CNTN5: variants seen among roughly 807,000 people sequenced by gnomAD.
CNTN5 encodes the protein contactin-5.
CNTN5 carries 77 observed loss-of-function variants against 129.1 expected under a neutral mutation model. That is an observed-to-expected ratio of 0.60 (90% CI 0.50 to 0.72). The LOEUF (loss-of-function observed/expected upper bound fraction) is 0.72, where lower values mean the gene tolerates loss of function less well. Ranked by LOEUF, CNTN5 falls within the 30% of genes least tolerant of loss-of-function variation. The probability of loss-of-function intolerance (pLI) is 0.00; values close to 1 mark genes in which losing one functional copy is unlikely to be tolerated. For synonymous variants in CNTN5, 509 were observed against 465.6 expected, an observed-to-expected ratio of 1.09 and a Z score of -1.20; for missense variants, 1,478 against 1,328.8, an observed-to-expected ratio of 1.11 and a Z score of -1.75.
chr11:100,015,738 T>C (rs1451266309), intron 9 of CNTN5, among the ~76,000 whole-genome samples: 1 of 152,128 alleles, frequency 6.6e-6, no homozygotes, highest in Non-Finnish European at 1.5e-5. Flanking sequence ...TGATAAAATT[T>C]TTTAGTATTA....
At chr11:99,821,725 T>G (rs1314175582) in intron 4 of CNTN5, among the ~76,000 whole-genome samples, 1 of 151,988 alleles carries the variant, frequency 6.6e-6, no homozygotes, top group Non-Finnish European at 1.5e-5. Context: ...AAACCCTCAT[T>G]AAAATAAGAC....
intron 1 of CNTN5, among the ~76,000 whole-genome samples, chr11:99,236,001 G>A (rs1861240255): frequency 6.6e-6 from 1 of 152,148 alleles, no homozygotes; most frequent in South Asian, 2.1e-4. Context: ...AAACTACTGA[G>A]AGTTAAAATG....
chr11:99,296,457 A>T (rs112503003), intron 1 of CNTN5, among the ~76,000 whole-genome samples: 1 of 152,174 alleles, frequency 6.6e-6, no homozygotes, highest in Non-Finnish European at 1.5e-5. Context: ...AATACACTGT[A>T]GCATAATAAT....
At chr11:99,555,640 A>G (rs1173108660) in intron 2 of CNTN5, among the ~76,000 whole-genome samples, 2 of 151,932 alleles carry the variant, frequency 1.3e-5, no homozygotes, top group Non-Finnish European at 2.9e-5. Flanking sequence ...GGAGTTATAA[A>G]CAAAGGAAGT....
intron 2 of CNTN5, among the ~76,000 whole-genome samples, chr11:99,352,943 C>A (rs1298423684): frequency 6.6e-6 from 1 of 152,128 alleles, no homozygotes; most frequent in Non-Finnish European, 1.5e-5. Flanking sequence ...GCCTCACTGA[C>A]CAGGCAAGCC....
intron 2 of CNTN5, among the ~76,000 whole-genome samples, chr11:99,537,240 T>G (rs534782484): frequency 6.6e-6 from 1 of 152,288 alleles, no homozygotes; most frequent in East Asian, 1.9e-4. Context: ...TTAAGAAATC[T>G]AACTTGAGAT....
At chr11:99,557,545 T>C (rs946163299) in intron 3 of CNTN5, among the ~76,000 whole-genome samples, 2 of 151,544 alleles carry the variant, frequency 1.3e-5, no homozygotes, top group Non-Finnish European at 3.0e-5. Flanking sequence ...AAAAAAGGAC[T>C]GATAGAAGAA....
intron 2 of CNTN5, among the ~76,000 whole-genome samples, chr11:99,533,023 G>A (rs1169474941): frequency 8.5e-5 from 13 of 152,192 alleles, no homozygotes; most frequent in African/African-American, 3.1e-4. Flanking sequence ...AGGAGTTCGA[G>A]ACCAGCCTGG....
chr11:99,257,760 G>A (rs116663128), intron 1 of CNTN5, among the ~76,000 whole-genome samples: 2,268 of 152,060 alleles, frequency 0.015, 60 homozygotes, highest in African/African-American at 0.052. Flanking sequence ...GTAAAGCATA[G>A]CTTTAAGAGA....
At chr11:99,769,827 A>AAAC (rs1944884048) in intron 3 of CNTN5, among the ~76,000 whole-genome samples, 2 of 151,882 alleles carry the variant, frequency 1.3e-5, no homozygotes, top group African/African-American at 4.8e-5. Flanking sequence ...AAAAAAAAAA[A>AAAC]AACAATCTGA....
chr11:99,601,833 C>T (rs1341673262), intron 3 of CNTN5, among the ~76,000 whole-genome samples: 3 of 152,156 alleles, frequency 2.0e-5, no homozygotes, highest in Non-Finnish European at 2.9e-5. Context: ...TGCTTTTTTA[C>T]ATTTAGAGGT....
chr11:99,610,474 T>C (rs1950561938), intron 3 of CNTN5, among the ~76,000 whole-genome samples: 1 of 152,160 alleles, frequency 6.6e-6, no homozygotes, highest in Non-Finnish European at 1.5e-5. Flanking sequence ...TAGAACATAT[T>C]TTGTTTTCCA....
chr11:100,107,211 A>AAATT (rs1945472125), intron 13 of CNTN5, among the ~76,000 whole-genome samples: 1 of 152,146 alleles, frequency 6.6e-6, no homozygotes, highest in Admixed American at 6.6e-5. Flanking sequence ...ACTTGTCAGT[A>AAATT]AATTAGAGTT....
At chr11:99,992,554 C>T (rs1311927229) in intron 8 of CNTN5, among the ~76,000 whole-genome samples, 3 of 152,238 alleles carry the variant, frequency 2.0e-5, no homozygotes, top group South Asian at 4.1e-4. Context: ...GCTAAGGAAA[C>T]TATCAAAATA....
chr11:99,478,148 T>C (rs1341113466), intron 2 of CNTN5, among the ~76,000 whole-genome samples: 1 of 152,156 alleles, frequency 6.6e-6, no homozygotes, highest in African/African-American at 2.4e-5. Context: ...ACAGATTATG[T>C]GGGTAGAGTC....
At chr11:99,388,848 A>C (rs763574161) in intron 2 of CNTN5, among the ~76,000 whole-genome samples, 15 of 152,174 alleles carry the variant, frequency 9.9e-5, no homozygotes, top group Non-Finnish European at 2.1e-4. Flanking sequence ...TTACACACAG[A>C]CACAGACACA....
rs560351159 is a variant in CNTN5 at position 99,265,437 on chromosome 11, G to A, written c.-209-59909G>A. ...CTATTATTTGGTGCTCTAATTAATT[G>A]GTTTAGTGCATAATGAAGCTGAAAG... On this transcript the variant is annotated intron_variant, in intron 1 of 24. Coordinates refer to ENST00000524871, the MANE Select transcript of CNTN5 (RefSeq NM_014361.4). Among the ~76,000 whole-genome samples the A allele has an allele frequency of 1.3e-4, 20 of 152,050 alleles. 1 individual carries two copies. Among genetic ancestry groups the A allele is most frequent in the Middle Eastern group, 3.4e-3 (1 of 294 alleles).
chr11:99,301,846 A>T (rs1198119670), intron 1 of CNTN5, among the ~76,000 whole-genome samples: 1 of 151,818 alleles, frequency 6.6e-6, no homozygotes, highest in Non-Finnish European at 1.5e-5. Context: ...ACAATCGTAA[A>T]TAAGTTTAAA....
At chr11:99,512,920 C>T (rs930431292) in intron 2 of CNTN5, among the ~76,000 whole-genome samples, 12 of 152,132 alleles carry the variant, frequency 7.9e-5, no homozygotes. Flanking sequence ...TAGCATGTTT[C>T]TCATTTTAAA....
Sources: allele counts gnomAD v4.1 joint callset (sites outside exome capture counted in the v4.1 genomes callset), GRCh38; gene constraint gnomAD v4.1.1; transcripts MANE v1.5; gene names NCBI Gene and HGNC (gene_info 2026-07-23, HGNC 2026-07-21).